MARCHF8: variants seen among roughly 807,000 people sequenced by gnomAD.
The protein encoded by MARCHF8 is E3 ubiquitin-protein ligase MARCHF8.
MARCHF8 carries 40 observed loss-of-function variants against 51.6 expected under a neutral mutation model. The ratio of observed to expected loss-of-function variants is 0.77; its 90% CI spans 0.60 to 1.01. The LOEUF is 1.01. MARCHF8 is among the 50% of genes least tolerant of loss of function. The pLI is 0.00. For missense variants in MARCHF8, 685 were observed against 708.6 expected, an observed-to-expected ratio of 0.97 and a Z score of 0.38; for synonymous variants, 263 against 280.3, an observed-to-expected ratio of 0.94 and a Z score of 0.62.
chr10:45,593,227 G>A (rs938003774), intron 1 of MARCHF8, among the ~76,000 whole-genome samples: 4 of 149,278 alleles, frequency 2.7e-5, no homozygotes, highest in Admixed American at 2.6e-4. Flanking sequence ...AAAGAGTATG[G>A]TTTCCCTCTT....
At chr10:45,592,781 G>T (rs1343285346) in intron 1 of MARCHF8, among the ~76,000 whole-genome samples, 1 of 152,132 alleles carries the variant, frequency 6.6e-6, no homozygotes, top group Admixed American at 6.5e-5. Context: ...AAAAATGTTG[G>T]AGCTAAGGCT....
upstream of MARCHF8, among the ~76,000 whole-genome samples, chr10:45,535,839 T>C (rs1453929285): frequency 1.3e-5 from 2 of 152,226 alleles, no homozygotes; most frequent in African/African-American, 2.4e-5. Flanking sequence ...ATTTGACTAA[T>C]GCTAACTTGC....
chr10:45,584,167 A>ATG (rs1491450723), intron 1 of MARCHF8, among the ~76,000 whole-genome samples: 1 of 105,938 alleles, frequency 9.4e-6, no homozygotes, highest in African/African-American at 3.4e-5. Flanking sequence ...ATATATATAT[A>ATG]TCAAGAAATT....
At chr10:45,530,055 G>A (rs2043852218) in intron 2 of MARCHF8, among the ~76,000 whole-genome samples, 2 of 152,200 alleles carry the variant, frequency 1.3e-5, no homozygotes, top group Non-Finnish European at 2.9e-5. Context: ...ATCAACGGAT[G>A]ATTGGATAAA....
chr10:45,527,522 A>G (rs2043812717), intron 2 of MARCHF8, among the ~76,000 whole-genome samples: 1 of 152,164 alleles, frequency 6.6e-6, no homozygotes, highest in African/African-American at 2.4e-5. Context: ...TGAAACAGGT[A>G]AATTCCTAAA....
intron 2 of MARCHF8, among the ~76,000 whole-genome samples, chr10:45,499,817 C>T (rs1473197182): frequency 6.6e-6 from 1 of 152,196 alleles, no homozygotes; most frequent in Non-Finnish European, 1.5e-5. Context: ...GCCAGTACCA[C>T]ACTAACTTGT....
At chr10:45,537,748 G>A (rs546709902), upstream of MARCHF8, among the ~76,000 whole-genome samples, 200 of 152,210 alleles carry the variant, frequency 1.3e-3, 1 homozygote, top group African/African-American at 4.3e-3. Context: ...ATGCCCAGAG[G>A]AGATAAATCT....
In MARCHF8 at chr10:45,454,839, T is replaced by A. The variant is rs1052658; in HGVS notation, c.*3400A>T. The A allele has an allele frequency of 6.6e-6, 1 of 152,248 alleles. No individual in the cohort carries two copies. The highest frequency in any genetic ancestry group is 1.9e-4 in the East Asian group (1 of 5,194). 9.4% of individuals were successfully genotyped at this position (152,248 alleles called of 1,614,324 possible). ...ACAATCAATTTCTATAAACATTGCA[T>A]CTAACTGTGCACTGATCAACTGCAC... On this transcript the variant is annotated 3_prime_UTR_variant, in exon 8 of 8. Coordinates refer to ENST00000453424, the MANE Select transcript of MARCHF8 (RefSeq NM_001282866.2).
chr10:45,484,662 T>TCAAG (rs1285260953), intron 3 of MARCHF8, among the ~76,000 whole-genome samples: 1 of 152,036 alleles, frequency 6.6e-6, no homozygotes, highest in African/African-American at 2.4e-5. Context: ...GGGGAGGGTG[T>TCAAG]CAAGGGTAAG....
In MARCHF8 at chr10:45,454,814, A is replaced by G. The variant is rs534246783; in HGVS notation, c.*3425T>C. On this transcript the variant is annotated 3_prime_UTR_variant, in exon 8 of 8. Transcript: ENST00000453424. Reference sequence around the variant, plus strand: ...CACATGCCAGTGTAAATTTGGTTTAACAATCAATTTCTATAAACATTGCAT... The same window carrying G: ...CACATGCCAGTGTAAATTTGGTTTAGCAATCAATTTCTATAAACATTGCAT... 18 of 152,384 alleles carry G rather than the reference A, an allele frequency of 1.2e-4. No individual in the cohort carries two copies. Among genetic ancestry groups the G allele is most frequent in the African/African-American group, 4.3e-4 (18 of 41,586 alleles). 9.4% of individuals were successfully genotyped at this position (152,384 alleles called of 1,614,324 possible).
chr10:45,460,378 A>G lies in MARCHF8; in HGVS notation c.1269+853T>C, dbSNP rs553162121. 1.4e-4 allele frequency among the ~76,000 whole-genome samples: 21 copies of G among 152,046 alleles called. No homozygotes were observed. The South Asian group carries it at 4.4e-3, about 32-fold the overall frequency. On this transcript the variant is annotated intron_variant, in intron 6 of 7. Coordinates refer to ENST00000453424, the MANE Select transcript of MARCHF8 (RefSeq NM_001282866.2). ...TCAAGAACTGCTCTAAAACCCAAAC[A>G]CCCTATGAGGCTACCATCGCTCCAC...
intron 2 of MARCHF8, among the ~76,000 whole-genome samples, chr10:45,503,228 C>T (rs1478640889): frequency 6.6e-6 from 1 of 152,112 alleles, no homozygotes; most frequent in African/African-American, 2.4e-5. Flanking sequence ...ATGTGGAGAA[C>T]TGACTTTTTA....
At chr10:45,515,869 C>T (rs960932630) in intron 2 of MARCHF8, among the ~76,000 whole-genome samples, 1 of 152,210 alleles carries the variant, frequency 6.6e-6, no homozygotes, top group African/African-American at 2.4e-5. Context: ...GGTAAAGAGA[C>T]AAAGGAACCA....
intron 1 of MARCHF8, among the ~76,000 whole-genome samples, chr10:45,576,940 A>C (rs1377954472): frequency 6.6e-6 from 1 of 150,804 alleles, no homozygotes; most frequent in Non-Finnish European, 1.5e-5. Context: ...CTGGGTGATA[A>C]AGTGAGACTC....
At chr10:45,581,017 G>A (rs1256278872) in intron 1 of MARCHF8, among the ~76,000 whole-genome samples, 1 of 152,198 alleles carries the variant, frequency 6.6e-6, no homozygotes, top group East Asian at 1.9e-4. Flanking sequence ...GGTAAGAGGA[G>A]GCTGTGAGCA....
intron 3 of MARCHF8, among the ~76,000 whole-genome samples, chr10:45,473,587 C>T (rs1404636153): frequency 6.6e-6 from 1 of 151,932 alleles, no homozygotes; most frequent in Non-Finnish European, 1.5e-5. Context: ...GCACCACAAT[C>T]TTCCTCTGAG....
At chr10:45,547,465 A>C (rs2044141336) in intron 1 of MARCHF8, among the ~76,000 whole-genome samples, 1 of 152,164 alleles carries the variant, frequency 6.6e-6, no homozygotes. Context: ...AAAAGTTTTT[A>C]TGCAACTAGA....
At chr10:45,538,912 G>T (rs2044012807), upstream of MARCHF8, among the ~76,000 whole-genome samples, 1 of 152,178 alleles carries the variant, frequency 6.6e-6, no homozygotes, top group African/African-American at 2.4e-5. Context: ...AGATCAACGA[G>T]ACAGAAAGTT....
rs531064367 is a variant in MARCHF8 at position 45,458,139 on chromosome 10, G to A, written c.*100C>T. ...GCCACTATAAATAGTCACCTGTCCA[G>A]TCTATGCTATTAAAGGACATAAGAA... is the stretch of plus-strand genomic sequence containing the variant. On this transcript the variant is annotated 3_prime_UTR_variant, in exon 8 of 8. Coordinates refer to ENST00000453424, the MANE Select transcript of MARCHF8 (RefSeq NM_001282866.2). 482 of 1,221,362 alleles carry A rather than the reference G, an allele frequency of 3.9e-4. 1 individual carries two copies. The highest frequency in any genetic ancestry group is 8.0e-4 in the Middle Eastern group (4 of 5,014). 75.7% of individuals were successfully genotyped at this position (1,221,362 alleles called of 1,614,324 possible).
Sources: gnomAD v4.1 joint callset for allele counts (sites outside exome capture counted in the v4.1 genomes callset) on GRCh38, gnomAD v4.1.1 for gene constraint, MANE v1.5 for transcripts, NCBI Gene and HGNC (gene_info 2026-07-23, HGNC 2026-07-21) for gene names.